The following CC2D2B variants were observed in gnomAD, a reference collection of about 807,000 sequenced individuals.
CC2D2B encodes protein CC2D2B.
A neutral mutation model predicts 161.2 loss-of-function variants in CC2D2B; 128 were observed. That is an observed-to-expected ratio of 0.79 (90% CI 0.69 to 0.92). The LOEUF is 0.92. Ranked by LOEUF, CC2D2B falls within the 40% of genes least tolerant of loss-of-function variation. The pLI is 0.00. For synonymous variants in CC2D2B, 391 were observed against 449.8 expected (o/e 0.87, Z 1.65); for missense variants, 1,173 against 1,375.1 (o/e 0.85, Z 2.32).
intron 10 of CC2D2B, among the ~76,000 whole-genome samples, chr10:95,952,921 A>T (rs947822217): frequency 2.3e-4 from 35 of 152,154 alleles, no homozygotes; most frequent in African/African-American, 8.2e-4. Context: ...AGGTAAGGGT[A>T]TATGCAGTTT....
chr10:95,921,877 A>G, intron 2 of CC2D2B, 139 bp from the exon 3 acceptor site: 2 of 481,500 alleles, frequency 4.2e-6, no homozygotes, highest in Non-Finnish European at 3.8e-6. Flanking sequence ...AGCAACCAAC[A>G]TGGCACATGT....
chr10:96,011,741 GCACACACACATACA>G (rs1005260154), intron 26 of CC2D2B, among the ~76,000 whole-genome samples: 2 of 127,108 alleles, frequency 1.6e-5, no homozygotes, highest in African/African-American at 5.6e-5. Context: ...TTACACACAC[GCACACACACATACA>G]CACACACACA....
chr10:96,021,509 C>T (rs898192069), intron 32 of CC2D2B: 2 of 152,206 alleles, frequency 1.3e-5, no homozygotes, highest in African/African-American at 2.4e-5. Flanking sequence ...TTTGAAGGTT[C>T]CCCAGTTGAT....
chr10:96,016,888 T>C (rs2079223677), intron 30 of CC2D2B, among the ~76,000 whole-genome samples: 1 of 152,088 alleles, frequency 6.6e-6, no homozygotes, highest in Non-Finnish European at 1.5e-5. Flanking sequence ...CGGCTAATTT[T>C]TTGTATTTTT....
At chr10:95,957,866 T>TA (rs1348063815) in intron 11 of CC2D2B, among the ~76,000 whole-genome samples, 4 of 149,512 alleles carry the variant, frequency 2.7e-5, no homozygotes, top group African/African-American at 9.9e-5. Context: ...TGGCCATGAT[T>TA]TAAAAAAAAA....
chr10:95,966,848 A>G (rs145723445), intron 14 of CC2D2B, among the ~76,000 whole-genome samples: 1 of 152,042 alleles, frequency 6.6e-6, no homozygotes, highest in Admixed American at 6.6e-5. Context: ...CTTGAGCTGT[A>G]ATGTTTTCTC....
intron 5 of CC2D2B, among the ~76,000 whole-genome samples, chr10:95,926,631 AG>A (rs2098539008): frequency 6.6e-6 from 1 of 151,924 alleles, no homozygotes; most frequent in Non-Finnish European, 1.5e-5. Context: ...TCCTTTCCCA[AG>A]CCTTCCTTAA....
intron 15 of CC2D2B, among the ~76,000 whole-genome samples, chr10:95,971,240 T>C (rs1284411228): frequency 6.6e-6 from 1 of 151,724 alleles, no homozygotes; most frequent in African/African-American, 2.4e-5. Context: ...AATACAAAAA[T>C]TAGCCAGGTG....
chr10:95,908,593 A>T (rs2098500321), intron 1 of CC2D2B, among the ~76,000 whole-genome samples: 2 of 152,062 alleles, frequency 1.3e-5, no homozygotes, highest in African/African-American at 4.8e-5. Context: ...CCATCCAGCT[A>T]TAGTTGAGGG....
chr10:95,991,002 A>ATTACTAGTG (rs1171791447), intron 20 of CC2D2B, among the ~76,000 whole-genome samples: 1 of 152,248 alleles, frequency 6.6e-6, no homozygotes, highest in African/African-American at 2.4e-5. Flanking sequence ...ACTCATATCC[A>ATTACTAGTG]TTACTAGTGG....
chr10:95,958,796 G>A (rs951921484), intron 11 of CC2D2B, among the ~76,000 whole-genome samples: 1 of 149,106 alleles, frequency 6.7e-6, no homozygotes, highest in Non-Finnish European at 1.5e-5. Flanking sequence ...CAGTGGAGGA[G>A]ATTCAAAAGG....
intron 22 of CC2D2B, among the ~76,000 whole-genome samples, chr10:95,993,792 TATAG>T (rs1308764320): frequency 1.4e-5 from 2 of 139,744 alleles, no homozygotes; most frequent in Non-Finnish European, 3.0e-5. Flanking sequence ...AGTATATATA[TATAG>T]AGAGAGAGAA....
intron 14 of CC2D2B, among the ~76,000 whole-genome samples, chr10:95,968,485 G>A (rs1004858713): frequency 3.9e-5 from 6 of 152,006 alleles, no homozygotes; most frequent in Non-Finnish European, 8.8e-5. Flanking sequence ...TGATTTATAG[G>A]ACCTTGATTT....
At chr10:96,000,108 A>G in intron 24 of CC2D2B, 1 of 1,494,524 alleles carries the variant, frequency 6.7e-7, no homozygotes, top group Non-Finnish European at 8.9e-7. Context: ...TTTAAACAAT[A>G]TCCATTCTCT....
chr10:95,983,451 T>TGTTTTGTTTA (rs1242891783), intron 18 of CC2D2B, among the ~76,000 whole-genome samples, 155 bp from the exon 19 acceptor site: 1 of 152,100 alleles, frequency 6.6e-6, no homozygotes, highest in African/African-American at 2.4e-5. Flanking sequence ...GATTCTATTT[T>TGTTTTGTTTA]GTTTTGTTTT....
intron 15 of CC2D2B, among the ~76,000 whole-genome samples, chr10:95,971,778 C>G (rs1022282295): frequency 1.3e-5 from 2 of 152,038 alleles, no homozygotes; most frequent in Non-Finnish European, 2.9e-5. Flanking sequence ...TAAAGTGCTA[C>G]TCAAAATTGC....
chr10:96,000,070 G>T, intron 24 of CC2D2B: 1 of 1,482,022 alleles, frequency 6.7e-7, no homozygotes, highest in Non-Finnish European at 9.0e-7. Context: ...TTCCAGTTTT[G>T]CCGTGGTAAC....
At chr10:95,958,991 A>G (rs949666406) in intron 11 of CC2D2B, among the ~76,000 whole-genome samples, 18 of 152,324 alleles carry the variant, frequency 1.2e-4, no homozygotes, top group Middle Eastern at 3.4e-3. Flanking sequence ...CAAATATACA[A>G]TGTCAGGAAA....
At chr10:96,017,712 C>T (rs371580380) in intron 30 of CC2D2B, among the ~76,000 whole-genome samples, 6 of 152,018 alleles carry the variant, frequency 3.9e-5, no homozygotes, top group Admixed American at 6.6e-5. Flanking sequence ...GGGAGGATTG[C>T]TTGAGCTCAG....
Sources: allele counts gnomAD v4.1 joint callset (sites outside exome capture counted in the v4.1 genomes callset), GRCh38; gene constraint gnomAD v4.1.1; transcripts MANE v1.5; gene names NCBI Gene and HGNC (gene_info 2026-07-23, HGNC 2026-07-21).